The following STK32B variants were observed in gnomAD, a reference collection of about 807,000 sequenced individuals.
STK32B encodes serine/threonine-protein kinase 32B.
Under a neutral mutation model 52.6 loss-of-function variants are expected in STK32B, and 43 were observed. The observed-to-expected ratio is 0.82, with a 90% CI of 0.64 to 1.05. The LOEUF (loss-of-function observed/expected upper bound fraction) is 1.05. Among genes scored for constraint, STK32B ranks in the 50% least tolerant of loss-of-function variants. The probability of loss-of-function intolerance (pLI) is 0.00; values close to 1 mark genes in which losing one functional copy is unlikely to be tolerated. For missense variants in STK32B, 621 were observed against 534.6 expected (o/e 1.16, Z -1.59); for synonymous variants, 238 against 204.3 (o/e 1.17, Z -1.41).
intron 11 of STK32B, among the ~76,000 whole-genome samples, chr4:5,479,266 C>T (rs1718494936): frequency 6.6e-6 from 1 of 151,562 alleles, no homozygotes; most frequent in African/African-American, 2.4e-5. Context: ...ATTACAGGCG[C>T]CCACCACCAC....
In STK32B at chr4:5,301,892, C is replaced by G. The variant is rs138191766; in HGVS notation, c.261-29328C>G. 9.8e-3 allele frequency among the ~76,000 whole-genome samples: 1,476 copies of G among 150,788 alleles called. 12 individuals are homozygous for G. Among genetic ancestry groups the G allele is most frequent in the Non-Finnish European group, 0.016 (1,084 of 67,552 alleles). On this transcript the variant is annotated intron_variant, in intron 3 of 11. Coordinates refer to ENST00000282908, the MANE Select transcript of STK32B (RefSeq NM_018401.3). ...GTAGAAGTTATTAAGATCTCTCTTC[C>G]CTTTAATTGTAGTGTTTAGTCCATT...
At chr4:5,070,042 C>G (rs1180353123) in intron 1 of STK32B, among the ~76,000 whole-genome samples, 1 of 152,184 alleles carries the variant, frequency 6.6e-6, no homozygotes, top group Middle Eastern at 3.2e-3. Context: ...AGAAGGCAGG[C>G]AGGGGGCTGC....
chr4:5,280,668 G>C (rs908844448), intron 3 of STK32B, among the ~76,000 whole-genome samples: 1 of 152,132 alleles, frequency 6.6e-6, no homozygotes, highest in African/African-American at 2.4e-5. Context: ...GCCGAGGTGG[G>C]TGGGTCACTT....
chr4:5,080,012 A>G (rs998116412), intron 1 of STK32B, among the ~76,000 whole-genome samples: 3 of 151,104 alleles, frequency 2.0e-5, no homozygotes, highest in African/African-American at 7.3e-5. Flanking sequence ...TTTCCCATAT[A>G]AGATCAAACC....
At chr4:5,345,191 T>C (rs1012156192) in intron 4 of STK32B, 4 of 152,110 alleles carry the variant, frequency 2.6e-5, no homozygotes, top group African/African-American at 9.7e-5. Context: ...GTAAATTCTT[T>C]TTTTTGCTAT....
intron 2 of STK32B, among the ~76,000 whole-genome samples, chr4:5,150,364 C>T (rs537159205): frequency 1.8e-4 from 27 of 152,222 alleles, no homozygotes; most frequent in Middle Eastern, 3.4e-3. Context: ...TTCACTTCCA[C>T]TGATTATCTG....
At position 5,429,915 on chromosome 4, in the gene STK32B, T is replaced by G. The variant is rs151229969; in HGVS notation, c.562+12981T>G. Among the ~76,000 whole-genome samples the G allele has an allele frequency of 4.0e-3, 608 of 152,238 alleles. 2 individuals carry two copies. Among genetic ancestry groups the G allele is most frequent in the African/African-American group, 0.014 (571 of 41,552 alleles). ...TAAATATTGCCACTCCATTGCTTCT[T>G]ATTTGTAGTATTCCTGACAGCAAAT... On this transcript the variant is annotated intron_variant, in intron 6 of 11. Transcript: ENST00000282908.
Position 5,421,061 on chromosome 4 carries a change from G to C in STK32B, c.562+4127G>C, listed in dbSNP as rs77442950. Among the ~76,000 whole-genome samples, 16 of 146,104 alleles carry C rather than the reference G, an allele frequency of 1.1e-4. No individual in the cohort carries two copies. The East Asian group carries it at 3.3e-3, about 30-fold the overall frequency. On this transcript the variant is annotated intron_variant, in intron 6 of 11. Transcript: ENST00000282908. ...ATTACAGGCACATGCCACCATGCCT[G>C]GCTAATTTTTGTATCTTGTTTTTGT...
chr4:5,345,391 A>G (rs1042102147), intron 4 of STK32B: 3 of 151,220 alleles, frequency 2.0e-5, no homozygotes, highest in East Asian at 1.9e-4. Context: ...TCCTGTTCCC[A>G]TGGACCACTT....
intron 4 of STK32B, among the ~76,000 whole-genome samples, chr4:5,375,077 G>A (rs894847905): frequency 6.6e-5 from 10 of 152,178 alleles, no homozygotes; most frequent in African/African-American, 2.4e-4. Context: ...CAATGTGAGC[G>A]CCTGTAAGTC....
rs1428884342 is a variant in STK32B at position 5,416,881 on chromosome 4, T to C, written c.509T>C (p.Val170Ala). The C allele has an allele frequency of 6.2e-7, 1 of 1,613,986 alleles. No individual in the cohort carries two copies. ...VHITDFNIATVVKGAERASSM... is the reference protein window; with the variant it reads ...VHITDFNIATAVKGAERASSM... ...ATTACAGACTTCAACATAGCGACGG[T>C]AGTGAAAGGAGCAGAAAGGGCTTCC... Residue 170 changes from valine (V) to alanine (A), a missense_variant, in exon 6 of 12, where the codon GTA (valine) becomes GCA (alanine). Coordinates refer to ENST00000282908, the MANE Select transcript of STK32B (RefSeq NM_018401.3).
At chr4:5,259,717 A>G (rs1726572516) in intron 3 of STK32B, among the ~76,000 whole-genome samples, 1 of 152,178 alleles carries the variant, frequency 6.6e-6, no homozygotes. Flanking sequence ...GGCAGAAACC[A>G]TGTGCTGGGA....
At chr4:5,315,886 G>A (rs937533976) in intron 3 of STK32B, among the ~76,000 whole-genome samples, 5 of 150,684 alleles carry the variant, frequency 3.3e-5, no homozygotes, top group Non-Finnish European at 5.9e-5. Flanking sequence ...TGTATTTTTA[G>A]TAGAGATGGG....
At chr4:5,459,105 T>C (rs1716814168) in intron 8 of STK32B, among the ~76,000 whole-genome samples, 1 of 152,172 alleles carries the variant, frequency 6.6e-6, no homozygotes, top group Non-Finnish European at 1.5e-5. Context: ...ACCCACTGTT[T>C]TGGGACAGCC....
intron 3 of STK32B, among the ~76,000 whole-genome samples, chr4:5,275,185 AGGACCCC>A (rs1727731563): frequency 6.6e-6 from 1 of 152,184 alleles, no homozygotes; most frequent in Non-Finnish European, 1.5e-5. Flanking sequence ...TTTGGGAGCA[AGGACCCC>A]CCCAGTTAAC....
chr4:5,174,598 A>T (rs1374241424), intron 3 of STK32B, among the ~76,000 whole-genome samples: 1 of 152,142 alleles, frequency 6.6e-6, no homozygotes, highest in African/African-American at 2.4e-5. Context: ...TGGGTTGAAA[A>T]TTCTTTTATT....
At chr4:5,126,934 G>A (rs1715400305) in intron 1 of STK32B, among the ~76,000 whole-genome samples, 1 of 152,164 alleles carries the variant, frequency 6.6e-6, no homozygotes, top group Non-Finnish European at 1.5e-5. Flanking sequence ...TCAATACTGA[G>A]CAGCAGAAAG....
intron 1 of STK32B, among the ~76,000 whole-genome samples, chr4:5,055,539 G>T (rs890347052): frequency 6.6e-6 from 1 of 152,094 alleles, no homozygotes; most frequent in Non-Finnish European, 1.5e-5. Flanking sequence ...GCTCTGCTCA[G>T]CCCACCCTCA....
intron 7 of STK32B, among the ~76,000 whole-genome samples, chr4:5,452,759 T>G (rs1303646462): frequency 1.2e-4 from 18 of 152,176 alleles, no homozygotes; most frequent in Admixed American, 1.2e-3. Context: ...CTGTCTTCTA[T>G]TTTTTGGTAA....
Sources: gnomAD v4.1 joint callset for allele counts (sites outside exome capture counted in the v4.1 genomes callset) on GRCh38, gnomAD v4.1.1 for gene constraint, MANE v1.5 for transcripts, NCBI Gene and HGNC (gene_info 2026-07-23, HGNC 2026-07-21) for gene names.